TRIM34: variants seen among roughly 807,000 people sequenced by gnomAD.
TRIM34 encodes E3 ubiquitin-protein ligase TRIM34.
TRIM34 carries 41 observed loss-of-function variants against 38.1 expected under a neutral mutation model. The ratio of observed to expected loss-of-function variants is 1.08; its 90% confidence interval spans 0.84 to 1.40. The LOEUF (loss-of-function observed/expected upper bound fraction) is 1.40, where lower values mean the gene tolerates loss of function less well. Among genes scored for constraint, TRIM34 ranks in the 40% most tolerant of loss-of-function variants. The pLI, the probability that TRIM34 is intolerant of heterozygous loss-of-function variation, is 0.00. For missense variants in TRIM34, 556 were observed against 571.4 expected (o/e 0.97, Z 0.27); for synonymous variants, 200 against 202.5 (o/e 0.99, Z 0.10).
At chr11:5,634,492 TACACAC>T (rs3060967) in intron 3 of TRIM34, 133 bp from the exon 4 acceptor site, 7,161 of 227,624 alleles carry the variant, frequency 0.031, 122 homozygotes, top group African/African-American at 0.06. Context: ...ATAATATAAA[TACACAC>T]ACACACACAC....
chr11:5,637,908 C>G (rs1332168634), intron 4 of TRIM34, among the ~76,000 whole-genome samples: 1 of 152,158 alleles, frequency 6.6e-6, no homozygotes, highest in East Asian at 1.9e-4. Context: ...CTACATGGTA[C>G]TCATTATTTT....
upstream of TRIM34, among the ~76,000 whole-genome samples, chr11:5,622,808 C>G (rs2133898078): frequency 6.6e-6 from 1 of 152,278 alleles, no homozygotes; most frequent in African/African-American, 2.4e-5. Context: ...AACTCTCAAT[C>G]AATTTAGGAA....
chr11:5,638,908 G>GT (rs915818469), intron 4 of TRIM34, among the ~76,000 whole-genome samples: 32 of 149,924 alleles, frequency 2.1e-4, no homozygotes, highest in South Asian at 4.2e-4. Flanking sequence ...GAGTTACAAA[G>GT]TTTTTTTTTT....
upstream of TRIM34, among the ~76,000 whole-genome samples, chr11:5,622,634 CAAATA>C (rs1273122721): frequency 1.2e-5 from 1 of 83,762 alleles, no homozygotes; most frequent in African/African-American, 6.3e-5. Context: ...AACAAACAAA[CAAATA>C]AAAAAAACCG....
At chr11:5,633,742 G>C in intron 2 of TRIM34, 62 bp from the exon 3 acceptor site, 4 of 1,489,748 alleles carry the variant, frequency 2.7e-6, no homozygotes, top group Non-Finnish European at 3.6e-6. Context: ...TTCCCTGTTT[G>C]TCCTCTATCC....
intron 2 of TRIM34, among the ~76,000 whole-genome samples, chr11:5,633,106 G>C (rs534548431): frequency 1.3e-5 from 2 of 149,040 alleles, no homozygotes; most frequent in Non-Finnish European, 3.0e-5. Context: ...CCAAAGTGCT[G>C]GGATTACAGG....
chr11:5,631,011 G>A (rs1455083926), intron 1 of TRIM34, among the ~76,000 whole-genome samples: 1 of 152,136 alleles, frequency 6.6e-6, no homozygotes, highest in African/African-American at 2.4e-5. Context: ...CCTAAATGTG[G>A]TCTCCCTTTA....
At chr11:5,634,417 C>T (rs2133932128) in intron 3 of TRIM34, among the ~76,000 whole-genome samples, 1 of 150,782 alleles carries the variant, frequency 6.6e-6, no homozygotes, top group Admixed American at 6.6e-5. Context: ...CTTCTACTCC[C>T]TTGCTGATTT....
chr11:5,642,410 G>T lies in TRIM34; in HGVS notation c.778G>T (p.Glu260Ter). Residue 260 changes from glutamate (E) to a stop codon, truncating the protein, a stop_gained, in exon 6 of 8, where the codon GAG becomes TAG. Coordinates refer to ENST00000429814, the MANE Select transcript of TRIM34 (RefSeq NM_021616.6). LOFTEE classifies it high-confidence loss of function. ...QDMSGIMKWS[E>*]IWRLKKPKMV... ...AAAAATTTTTTTCATCCCTAGGAGT[G>T]AGATCTGGAGGCTGAAAAAGCCAAA... 3.1e-6 allele frequency: 5 copies of T among 1,612,734 alleles called. No individual in the cohort carries two copies. Among genetic ancestry groups the T allele is most frequent in the Non-Finnish European group, 3.4e-6 (4 of 1,179,876 alleles).
chr11:5,632,206 T>G, intron 1 of TRIM34, 49 bp from the exon 2 acceptor site: 2 of 1,525,814 alleles, frequency 1.3e-6, no homozygotes, highest in South Asian at 1.3e-5. Flanking sequence ...GCAATTAGAA[T>G]GCTTTTTATT....
At chr11:5,640,184 C>A (rs1208727774) in intron 4 of TRIM34, among the ~76,000 whole-genome samples, 14 of 152,116 alleles carry the variant, frequency 9.2e-5, no homozygotes. Context: ...GAGCAAACAT[C>A]CTTGTCTTTT....
At chr11:5,634,518 C>T (rs943128415) in intron 3 of TRIM34, 113 bp from the exon 4 acceptor site, 12 of 601,262 alleles carry the variant, frequency 2.0e-5, no homozygotes, top group Non-Finnish European at 2.8e-5. Context: ...CACACACACA[C>T]ACACACACAC....
rs113087998 is a variant in TRIM34, at chr11:5,634,534, T to C, written c.520-97T>C. 2,029 of 616,722 alleles carry C rather than the reference T, an allele frequency of 3.3e-3. 33 individuals carry two copies. The African/African-American group carries it at 0.039, about 12-fold the overall frequency. The allele number at this position is 616,722 out of a possible 1,614,324, so 38.2% of individuals were successfully genotyped here. ...ACACACACACACACACACACACATA[T>C]ATATATATATATATTTCCCTACTGG... is the stretch of plus-strand genomic sequence containing the variant. On this transcript the variant is annotated intron_variant, in intron 3 of 7. Coordinates refer to ENST00000429814, the MANE Select transcript of TRIM34 (RefSeq NM_021616.6).
chr11:5,643,200 C>G lies in TRIM34; in HGVS notation c.958C>G (p.Gln320Glu). ...LNLNLVLSEDQRQVISVPIWP... is the reference protein window; with the variant it reads ...LNLNLVLSEDERQVISVPIWP... ...TTTGAATCTTGTCCTTTCAGAAGAT[C>G]AGAGACAAGTGATATCTGTGCCAAT... Residue 320 changes from glutamine (Q) to glutamate (E), a missense_variant, in exon 8 of 8, where the codon CAG becomes GAG. By Grantham distance (29) the Gln-to-Glu change is conservative (BLOSUM62 2). Coordinates refer to ENST00000429814, the MANE Select transcript of TRIM34 (RefSeq NM_021616.6). 1 of 1,608,456 alleles carries G rather than the reference C, an allele frequency of 6.2e-7. No homozygotes were observed.
chr11:5,632,802 G>C, intron 2 of TRIM34, 48 bp downstream of exon 2: 1 of 1,422,958 alleles, frequency 7.0e-7, no homozygotes, highest in Non-Finnish European at 9.4e-7. Flanking sequence ...GTAGTTGGTG[G>C]AAAATCTCAC....
In TRIM34 at chr11:5,633,794, C is replaced by T. The variant is rs1322735174; in HGVS notation, c.424-10C>T. ...TATAGCTTGACTGTAGTGTGATTCC[C>T]TTCTCATAGGAGAAACTCCAGGCAG... On this transcript the variant is annotated splice_polypyrimidine_tract_variant and intron_variant, in intron 2 of 7. Transcript: ENST00000429814. 3.1e-6 allele frequency: 5 copies of T among 1,612,494 alleles called. No individual in the cohort carries two copies. The African/African-American group carries it at 4.0e-5, about 13-fold the overall frequency.
rs565032164 is a variant in TRIM34, at chr11:5,625,625, T to C, written c.-78+565T>C. On this transcript the variant is annotated intron_variant, in intron 1 of 7. Coordinates refer to ENST00000429814, the MANE Select transcript of TRIM34 (RefSeq NM_021616.6). ...GCTTTCTGTGGCCATCCTCACGTAT[T>C]CTTAGTCCTTGGCCTCCCTGACAAT... 5.3e-5 allele frequency among the ~76,000 whole-genome samples: 8 copies of C among 152,270 alleles called. No individual in the cohort carries two copies. In the East Asian group the frequency reaches 1.5e-3, roughly 29 times the overall value.
At chr11:5,635,254 ATTTTT>A (rs35208771) in intron 4 of TRIM34, among the ~76,000 whole-genome samples, 1 of 128,316 alleles carries the variant, frequency 7.8e-6, no homozygotes. Context: ...TTCCCTGTTA[ATTTTT>A]TTTTTTTTTT....
chr11:5,624,692 T>C (rs1276558387), upstream of TRIM34: 2 of 152,186 alleles, frequency 1.3e-5, no homozygotes, highest in African/African-American at 4.8e-5. Flanking sequence ...GCGGCATCTG[T>C]GACCTGTACC....
Sources: allele counts gnomAD v4.1 joint callset (sites outside exome capture counted in the v4.1 genomes callset), GRCh38; gene constraint gnomAD v4.1.1; transcripts MANE v1.5; gene names NCBI Gene and HGNC (gene_info 2026-07-23, HGNC 2026-07-21).